REPS2: variants seen among roughly 807,000 people sequenced by gnomAD.
The protein encoded by REPS2 is RALBP1 associated Eps domain containing 2.
A neutral mutation model predicts 53.6 loss-of-function variants in REPS2; 23 were observed. That is an observed-to-expected ratio of 0.43 (90% CI 0.31 to 0.61). The LOEUF (loss-of-function observed/expected upper bound fraction) is 0.61. REPS2 is among the 20% of genes least tolerant of loss of function. REPS2 has a pLI of 0.11. For missense variants in REPS2, 446 were observed against 534.9 expected (o/e 0.83, Z 1.64); for synonymous variants, 238 against 218.6 (o/e 1.09, Z -0.78).
At position 17,074,132 on chromosome X, in the gene REPS2, A is replaced by T; in HGVS notation, c.1352A>T (p.Asn451Ile). Residue 451 changes from asparagine (N) to isoleucine (I), a missense_variant, in exon 12 of 18, where the codon AAC (asparagine) becomes ATC (isoleucine). Asn to Ile is a moderately radical substitution (Grantham distance 149). Transcript: ENST00000357277. ...GTTTCAGCAACTCCCAAGGATTCCA[A>T]CAGTCTCAAAGCAAGACCAAGATCC... ...SEDPATPKDSNSLKARPRSRS... is the reference protein window; with the variant it reads ...SEDPATPKDSISLKARPRSRS... 1 of 1,210,490 alleles carries T rather than the reference A, an allele frequency of 8.3e-7. No individual in the cohort carries two copies.
At chrX:17,186,116 C>T in the REPS2 span, among the ~76,000 whole-genome samples, 1 of 112,404 alleles carries the variant, frequency 8.9e-6, no homozygotes, top group African/African-American at 3.2e-5. Context: ...GTCAGCCCAT[C>T]AATAAGTACT....
chrX:16,980,217 T>C (rs1473867147), intron 1 of REPS2, among the ~76,000 whole-genome samples: 1 of 109,509 alleles, frequency 9.1e-6, no homozygotes, highest in Non-Finnish European at 1.9e-5. Context: ...CAAGTGATTC[T>C]CCCGCCTCAG....
At chrX:17,145,610 T>A (rs2063501908) in intron 17 of REPS2, among the ~76,000 whole-genome samples, 1 of 111,172 alleles carries the variant, frequency 9.0e-6, no homozygotes, top group Non-Finnish European at 1.9e-5. Context: ...AGATTCAAGA[T>A]TTATCTAGAA....
At chrX:17,026,099 C>T (rs1327610463) in intron 4 of REPS2, among the ~76,000 whole-genome samples, 2 of 111,752 alleles carry the variant, frequency 1.8e-5, no homozygotes, top group African/African-American at 6.5e-5. Flanking sequence ...GCAGGCGTGG[C>T]ATAATGGCAA....
At chrX:17,101,339 A>G (rs113267173) in intron 13 of REPS2, among the ~76,000 whole-genome samples, 2,227 of 110,770 alleles carry the variant, frequency 0.02, 46 homozygotes, top group African/African-American at 0.068. Context: ...TGGGATTACA[A>G]GCGTGAGCCA....
chrX:17,074,955 T>C (rs1334241054), intron 12 of REPS2, among the ~76,000 whole-genome samples: 1 of 112,032 alleles, frequency 8.9e-6, no homozygotes. Context: ...TGATCATATT[T>C]TATATGCTTG....
the REPS2 span, among the ~76,000 whole-genome samples, chrX:17,188,480 T>C: frequency 8.9e-6 from 1 of 112,145 alleles, no homozygotes; most frequent in Non-Finnish European, 1.9e-5. Context: ...TGGTTTTACA[T>C]AGTTTGATGA....
intron 6 of REPS2, among the ~76,000 whole-genome samples, chrX:17,048,806 G>C (rs1338731827): frequency 8.9e-6 from 1 of 112,827 alleles, no homozygotes; most frequent in South Asian, 3.6e-4. Context: ...TCGTATAAAA[G>C]CCTAGCACAT....
intron 13 of REPS2, among the ~76,000 whole-genome samples, chrX:17,083,442 C>T (rs944880937): frequency 9.0e-6 from 1 of 111,439 alleles, no homozygotes; most frequent in Non-Finnish European, 1.9e-5. Context: ...GCCTTTCCAA[C>T]ACTGAGGAGT....
intron 14 of REPS2, among the ~76,000 whole-genome samples, chrX:17,115,106 G>T (rs2063030113): frequency 8.9e-6 from 1 of 112,354 alleles, no homozygotes; most frequent in African/African-American, 3.2e-5. Context: ...AAAGTATAGA[G>T]AAAGAAATAA....
chrX:17,138,645 G>A, intron 16 of REPS2: 2 of 284,768 alleles, frequency 7.0e-6, no homozygotes, highest in Non-Finnish European at 6.2e-6. Flanking sequence ...TATAAAATGG[G>A]AATTACTTCA....
chrX:16,983,146 A>G (rs754362072), intron 1 of REPS2, among the ~76,000 whole-genome samples: 67 of 112,267 alleles, frequency 6.0e-4, no homozygotes, highest in Non-Finnish European at 1.1e-3. Flanking sequence ...CTGCTTTAGT[A>G]TAACCTAGTT....
the REPS2 span, among the ~76,000 whole-genome samples, chrX:17,187,925 A>C: frequency 4.4e-3 from 501 of 112,941 alleles, 5 homozygotes; most frequent in Non-Finnish European, 7.8e-3. Flanking sequence ...TCTAATAAAT[A>C]TACAAAATAT....
chrX:17,099,554 T>C (rs1425696147), intron 13 of REPS2, among the ~76,000 whole-genome samples: 1 of 111,909 alleles, frequency 8.9e-6, no homozygotes, highest in African/African-American at 3.3e-5. Context: ...AAAGGTTGCC[T>C]TGAAGCACTT....
the REPS2 span, among the ~76,000 whole-genome samples, chrX:17,182,143 T>C: frequency 2.3e-5 from 1 of 42,576 alleles, no homozygotes; most frequent in African/African-American, 8.0e-5. Context: ...TCTATCTGTC[T>C]ATCTATCTAT....
intron 16 of REPS2, 161 bp downstream of exon 16, chrX:17,135,567 A>G: frequency 1.6e-6 from 1 of 614,910 alleles, no homozygotes; most frequent in South Asian, 3.1e-5. Context: ...TCCCAGTCAC[A>G]TAGAAGGCTT....
At chrX:17,189,530 AC>A in the REPS2 span, among the ~76,000 whole-genome samples, 1 of 109,973 alleles carries the variant, frequency 9.1e-6, no homozygotes, top group Non-Finnish European at 1.9e-5. Context: ...CAGGCAATCC[AC>A]CCGCCTGGGC....
rs762219870 is a variant in REPS2, at chrX:17,148,350, A to G, written c.*869A>G. 2.7e-5 allele frequency: 3 copies of G among 112,761 alleles called. No individual in the cohort carries two copies. The highest frequency in any genetic ancestry group is 5.6e-5 in the Non-Finnish European group (3 of 53,382). 9.3% of individuals were successfully genotyped at this position (112,761 alleles called of 1,213,427 possible). A position where few individuals can be genotyped will look rare whatever the true frequency, so the allele number is the denominator to read the frequency against. ...AAATGCATGAGTTTGGAAACCACCC[A>G]TCAAATATGAAAGGCTGATGAGACT... is the stretch of plus-strand genomic sequence containing the variant. On this transcript the variant is annotated 3_prime_UTR_variant, in exon 18 of 18. Transcript: ENST00000357277.
the REPS2 span, among the ~76,000 whole-genome samples, chrX:17,159,603 CCTCACTCCATCATCTATACGTTA>C: frequency 1.8e-5 from 2 of 111,604 alleles, no homozygotes; most frequent in Non-Finnish European, 3.8e-5. Context: ...CTTCTCTGTG[CCTCACTCCATCATCTATACGTTA>C]CTGATAATAG....
Sources: gnomAD v4.1 joint callset for allele counts (sites outside exome capture counted in the v4.1 genomes callset) on GRCh38, gnomAD v4.1.1 for gene constraint, MANE v1.5 for transcripts, NCBI Gene and HGNC (gene_info 2026-07-23, HGNC 2026-07-21) for gene names.